DNM3: variants seen among roughly 807,000 people sequenced by gnomAD.
DNM3 encodes dynamin 3.
DNM3 carries 47 observed loss-of-function variants against 101.6 expected under a neutral mutation model. The ratio of observed to expected loss-of-function variants is 0.46; its 90% CI spans 0.37 to 0.59. The LOEUF (loss-of-function observed/expected upper bound fraction) is 0.59, where lower values mean the gene tolerates loss of function less well. Ranked by LOEUF, DNM3 falls within the 20% of genes least tolerant of loss-of-function variation. The pLI is 0.00. For missense variants in DNM3, 849 were observed against 1,085.7 expected (o/e 0.78, Z 3.06); for synonymous variants, 385 against 387.9 (o/e 0.99, Z 0.09).
rs2071163074 is a variant in DNM3 at position 172,410,822 on chromosome 1, A to G, written c.*2981A>G. On this transcript the variant is annotated 3_prime_UTR_variant, in exon 21 of 21. Transcript: ENST00000627582. The stretch of plus-strand genomic sequence containing the variant: ...TTAGACTTAAAAAGTGGTCACATAG[A>G]TTAATTTTGTGACTTTTTAGTATAG... 1 of 985,192 alleles carries G rather than the reference A, an allele frequency of 1.0e-6. No individual in the cohort carries two copies. The highest frequency in any genetic ancestry group is 6.2e-5 in the Admixed American group (1 of 16,248). 61.0% of individuals were successfully genotyped at this position (985,192 alleles called of 1,614,324 possible).
intron 14 of DNM3, chr1:172,144,689 C>T (rs762302694): frequency 2.0e-6 from 1 of 506,662 alleles, no homozygotes; most frequent in Non-Finnish European, 4.1e-6. Flanking sequence ...AAAAGCCTCC[C>T]TTCCTGCACC....
At chr1:172,306,502 T>C (rs1171425175) in intron 15 of DNM3, among the ~76,000 whole-genome samples, 1 of 152,178 alleles carries the variant, frequency 6.6e-6, no homozygotes, top group Non-Finnish European at 1.5e-5. Flanking sequence ...TAACAATGAC[T>C]TTCTTCACAG....
chr1:172,330,253 G>A lies in DNM3; in HGVS notation c.1893+6913G>A, dbSNP rs145431889. Reference sequence around the variant, plus strand: ...CATCAATATCCATCATAGAAAATTGGTTGAATAGAGTATGGTATATTGATT... The same window carrying A: ...CATCAATATCCATCATAGAAAATTGATTGAATAGAGTATGGTATATTGATT... On this transcript the variant is annotated intron_variant, in intron 17 of 20. Transcript: ENST00000627582. Among the ~76,000 whole-genome samples, 185 of 152,134 alleles carry A rather than the reference G, an allele frequency of 1.2e-3. 3 individuals are homozygous for A. Among genetic ancestry groups the A allele is most frequent in the Non-Finnish European group, 7.6e-4 (52 of 67,994 alleles).
chr1:172,050,069 G>C (rs1328626917), intron 10 of DNM3, among the ~76,000 whole-genome samples: 2 of 152,014 alleles, frequency 1.3e-5, no homozygotes, highest in Admixed American at 1.3e-4. Context: ...CAGGAGTTAA[G>C]GGACTGAGGG....
chr1:172,212,468 C>T (rs1420910490), intron 14 of DNM3, among the ~76,000 whole-genome samples: 1 of 152,164 alleles, frequency 6.6e-6, no homozygotes, highest in African/African-American at 2.4e-5. Flanking sequence ...AATAGCTTTG[C>T]AGAAAAATTA....
At chr1:172,216,448 A>G (rs1294769626) in intron 14 of DNM3, among the ~76,000 whole-genome samples, 5 of 152,112 alleles carry the variant, frequency 3.3e-5, no homozygotes, top group Non-Finnish European at 7.4e-5. Flanking sequence ...AAGCAGAAAT[A>G]AAAACCTGGC....
chr1:172,398,971 C>T (rs913823340), intron 20 of DNM3, among the ~76,000 whole-genome samples: 1 of 152,150 alleles, frequency 6.6e-6, no homozygotes, highest in Non-Finnish European at 1.5e-5. Flanking sequence ...TAATTCTGAT[C>T]ATCTTATATG....
intron 13 of DNM3, among the ~76,000 whole-genome samples, chr1:172,127,238 C>G (rs557123728): frequency 6.6e-6 from 1 of 152,040 alleles, no homozygotes; most frequent in South Asian, 2.1e-4. Context: ...TTACGTCCAC[C>G]CTTACTCTCT....
chr1:172,146,493 C>A (rs2057906276), intron 14 of DNM3, among the ~76,000 whole-genome samples: 1 of 152,076 alleles, frequency 6.6e-6, no homozygotes, highest in Non-Finnish European at 1.5e-5. Flanking sequence ...ACTTTTGCTT[C>A]CATATTTGTG....
intron 17 of DNM3, among the ~76,000 whole-genome samples, chr1:172,348,937 C>T (rs1272536590): frequency 6.6e-6 from 1 of 152,134 alleles, no homozygotes; most frequent in Non-Finnish European, 1.5e-5. Flanking sequence ...GCCAGTCCCA[C>T]CTGACCCATC....
At chr1:172,058,675 C>T (rs2050863560) in intron 10 of DNM3, among the ~76,000 whole-genome samples, 1 of 152,062 alleles carries the variant, frequency 6.6e-6, no homozygotes, top group Non-Finnish European at 1.5e-5. Context: ...ATACCAGAAT[C>T]TCTGGGATGC....
intron 13 of DNM3, among the ~76,000 whole-genome samples, chr1:172,099,128 A>C (rs1385040872): frequency 2.0e-5 from 3 of 152,230 alleles, no homozygotes; most frequent in African/African-American, 7.2e-5. Context: ...TTTTTAAGAG[A>C]GACAGGTTGA....
At chr1:171,862,426 T>C (rs572823911) in intron 1 of DNM3, among the ~76,000 whole-genome samples, 2 of 152,162 alleles carry the variant, frequency 1.3e-5, no homozygotes, top group African/African-American at 4.8e-5. Flanking sequence ...AATTAAGTAC[T>C]GATACAGGCA....
chr1:172,319,464 A>AT (rs1374582737), intron 16 of DNM3, among the ~76,000 whole-genome samples: 1 of 152,198 alleles, frequency 6.6e-6, no homozygotes, highest in Non-Finnish European at 1.5e-5. Context: ...ATGGGAGAAA[A>AT]TTTTTGCAAC....
intron 1 of DNM3, among the ~76,000 whole-genome samples, chr1:171,850,933 A>C (rs2032875261): frequency 6.6e-6 from 1 of 152,164 alleles, no homozygotes; most frequent in Non-Finnish European, 1.5e-5. Context: ...GTAAGGTTCA[A>C]CCACTGTGAG....
In DNM3 at chr1:172,223,178, C is replaced by T. The variant is rs531649569; in HGVS notation, c.1660-30395C>T. Among the ~76,000 whole-genome samples, 6 of 152,032 alleles carry T rather than the reference C, an allele frequency of 3.9e-5. No homozygotes were observed. In the South Asian group the frequency reaches 6.2e-4, roughly 16 times the overall value. ...CAATAGAGCACCAAAACTTATTCCT[C>T]CTGTCTAACTGTAACTTTGTATCTG... On this transcript the variant is annotated intron_variant, in intron 14 of 20. Transcript: ENST00000627582.
At chr1:171,972,859 CAAA>C (rs71814709) in intron 2 of DNM3, among the ~76,000 whole-genome samples, 2,632 of 118,810 alleles carry the variant, frequency 0.022, 104 homozygotes, top group African/African-American at 0.067. Context: ...CAAAAACAAA[CAAA>C]AAACAAAAAC....
chr1:172,355,780 G>A (rs2067424893), intron 17 of DNM3, among the ~76,000 whole-genome samples: 1 of 152,128 alleles, frequency 6.6e-6, no homozygotes, highest in Admixed American at 6.6e-5. Context: ...ACGAAGGACA[G>A]GCTGTGAAGA....
At chr1:171,970,163 T>C (rs537961628) in intron 2 of DNM3, 7 of 592,728 alleles carry the variant, frequency 1.2e-5, no homozygotes, top group African/African-American at 2.0e-5. Flanking sequence ...TGGAATACTT[T>C]GAAGCACGAA....
Sources: gnomAD v4.1 joint callset for allele counts (sites outside exome capture counted in the v4.1 genomes callset) on GRCh38, gnomAD v4.1.1 for gene constraint, MANE v1.5 for transcripts, NCBI Gene and HGNC (gene_info 2026-07-23, HGNC 2026-07-21) for gene names.